DPP6: variants seen among roughly 807,000 people sequenced by gnomAD.
The protein encoded by DPP6 is dipeptidyl peptidase like 6, also known as A-type potassium channel modulatory protein DPP6.
DPP6 carries 69 observed loss-of-function variants against 122.6 expected under a neutral mutation model. That is an observed-to-expected ratio of 0.56 (90% CI 0.46 to 0.69). DPP6 has a LOEUF of 0.69. Ranked by LOEUF, DPP6 falls within the 30% of genes least tolerant of loss-of-function variation. DPP6 has a pLI of 0.00. For missense variants in DPP6, 928 were observed against 1,116.9 expected (o/e 0.83, Z 2.41); for synonymous variants, 418 against 433.1 (o/e 0.97, Z 0.43).
the DPP6 span, among the ~76,000 whole-genome samples, chr7:153,801,825 C>T: frequency 3.3e-5 from 5 of 152,074 alleles, no homozygotes; most frequent in Non-Finnish European, 7.4e-5. Flanking sequence ...CTCAGACTGG[C>T]CATGGTTCAT....
At chr7:154,165,521 T>C (rs1415533581) in intron 1 of DPP6, among the ~76,000 whole-genome samples, 7 of 151,260 alleles carry the variant, frequency 4.6e-5, no homozygotes, top group African/African-American at 7.4e-5. Context: ...GGTATATACC[T>C]AGTAATGGGA....
At chr7:154,323,978 C>T (rs1463334795) in intron 1 of DPP6, among the ~76,000 whole-genome samples, 1 of 152,218 alleles carries the variant, frequency 6.6e-6, no homozygotes, top group Non-Finnish European at 1.5e-5. Flanking sequence ...GTAAAATACA[C>T]ATATACGCAG....
At chr7:154,772,398 GA>G (rs1796301462) in intron 9 of DPP6, among the ~76,000 whole-genome samples, 1 of 152,134 alleles carries the variant, frequency 6.6e-6, no homozygotes, top group East Asian at 1.9e-4. Context: ...GGGGAACAGG[GA>G]AGCAGAATAG....
At chr7:153,923,730 C>T (rs1441548299) in intron 1 of DPP6, among the ~76,000 whole-genome samples, 5 of 134,228 alleles carry the variant, frequency 3.7e-5, no homozygotes, top group South Asian at 4.6e-4. Context: ...CACTGCACTC[C>T]AGCCTGGGCA....
intron 1 of DPP6, among the ~76,000 whole-genome samples, chr7:154,121,000 T>C (rs1361279514): frequency 6.6e-6 from 1 of 152,166 alleles, no homozygotes; most frequent in East Asian, 1.9e-4. Context: ...CATGCTGTTC[T>C]TGTGGCAATG....
the DPP6 span, among the ~76,000 whole-genome samples, chr7:153,783,565 TTTTTC>T: frequency 2.0e-5 from 3 of 152,308 alleles, no homozygotes; most frequent in South Asian, 4.1e-4. Context: ...ACTGATAAGC[TTTTTC>T]TTTTCTTTGG....
At chr7:154,878,907 C>T (rs1805108643) in intron 20 of DPP6, among the ~76,000 whole-genome samples, 1 of 152,238 alleles carries the variant, frequency 6.6e-6, no homozygotes, top group African/African-American at 2.4e-5. Context: ...TTTTTATTTA[C>T]TCATTTGTTC....
chr7:154,462,189 C>G (rs963724275), intron 2 of DPP6, among the ~76,000 whole-genome samples: 1 of 152,090 alleles, frequency 6.6e-6, no homozygotes, highest in Non-Finnish European at 1.5e-5. Flanking sequence ...GGATTTGTTT[C>G]TAGGTTCTCT....
chr7:153,787,733 G>A, the DPP6 span, among the ~76,000 whole-genome samples: 2 of 151,262 alleles, frequency 1.3e-5, no homozygotes, highest in African/African-American at 2.4e-5. Context: ...CTTCAGTCTC[G>A]GTGAGAACTT....
chr7:154,707,558 C>T (rs1157545812), intron 7 of DPP6, among the ~76,000 whole-genome samples: 1 of 152,106 alleles, frequency 6.6e-6, no homozygotes, highest in Non-Finnish European at 1.5e-5. Context: ...CTCGCCAGGT[C>T]CATCGGACAT....
At chr7:154,463,288 A>G (rs1245810455) in intron 2 of DPP6, among the ~76,000 whole-genome samples, 1 of 142,598 alleles carries the variant, frequency 7.0e-6, no homozygotes, top group African/African-American at 2.7e-5. Flanking sequence ...ACTCACTGCA[A>G]GCTCCGCCTC....
intron 1 of DPP6, among the ~76,000 whole-genome samples, chr7:154,061,345 C>T (rs1366453706): frequency 2.7e-5 from 4 of 147,694 alleles, no homozygotes; most frequent in African/African-American, 9.9e-5. Flanking sequence ...AAGCCTTTTC[C>T]ATTGTATGCG....
chr7:154,079,785 G>C (rs1316022067), intron 1 of DPP6, among the ~76,000 whole-genome samples: 1 of 152,000 alleles, frequency 6.6e-6, no homozygotes, highest in Admixed American at 6.6e-5. Context: ...ACCCTTCGAT[G>C]TTCCTGGCCC....
chr7:154,650,611 GTTGA>G (rs970416834), intron 6 of DPP6, among the ~76,000 whole-genome samples: 82 of 152,330 alleles, frequency 5.4e-4, no homozygotes, highest in African/African-American at 1.9e-3. Context: ...AGACACAGTT[GTTGA>G]TTGAGTCGAG....
intron 1 of DPP6, among the ~76,000 whole-genome samples, chr7:154,277,361 C>A (rs10281149): frequency 0.035 from 5,303 of 151,634 alleles, 256 homozygotes; most frequent in African/African-American, 0.11. Flanking sequence ...ACAACAACAA[C>A]AAAAAAAACA....
intron 16 of DPP6, among the ~76,000 whole-genome samples, chr7:154,851,584 G>A (rs553909892): frequency 5.1e-4 from 77 of 152,242 alleles, no homozygotes; most frequent in African/African-American, 1.8e-3. Context: ...AATCTCTTTT[G>A]GTAAGTGCTG....
At chr7:153,812,916 G>C in the DPP6 span, among the ~76,000 whole-genome samples, 1 of 152,118 alleles carries the variant, frequency 6.6e-6, no homozygotes, top group Admixed American at 6.5e-5. Flanking sequence ...TTTAAAAAAA[G>C]AGACGTCTTT....
At chr7:154,160,095 G>A (rs1223718378) in intron 1 of DPP6, among the ~76,000 whole-genome samples, 1 of 151,940 alleles carries the variant, frequency 6.6e-6, no homozygotes, top group African/African-American at 2.4e-5. Context: ...GGCCAACAGA[G>A]CAAGATCCTG....
intron 1 of DPP6, among the ~76,000 whole-genome samples, chr7:153,927,300 A>C (rs1286985085): frequency 1.3e-5 from 2 of 152,214 alleles, no homozygotes; most frequent in South Asian, 4.1e-4. Flanking sequence ...GCGACAGAGC[A>C]AGACCCATTC....
Sources: allele counts gnomAD v4.1 joint callset (sites outside exome capture counted in the v4.1 genomes callset), GRCh38; gene constraint gnomAD v4.1.1; transcripts MANE v1.5; gene names NCBI Gene and HGNC (gene_info 2026-07-23, HGNC 2026-07-21).